Variants in UBR3 observed in about 807,000 individuals in gnomAD.
UBR3 encodes the protein ubiquitin protein ligase E3 component n-recognin 3, also known as E3 ubiquitin-protein ligase UBR3.
UBR3 carries 85 observed loss-of-function variants against 243.2 expected under a neutral mutation model. The observed-to-expected ratio is 0.35, with a 90% CI of 0.29 to 0.42. The LOEUF (loss-of-function observed/expected upper bound fraction) is 0.42, where lower values mean the gene tolerates loss of function less well. Ranked by LOEUF, UBR3 falls within the 10% of genes least tolerant of loss-of-function variation. The pLI, the probability that UBR3 is intolerant of heterozygous loss-of-function variation, is 1.00. For missense variants in UBR3, 1,686 were observed against 2,300.8 expected (o/e 0.73, Z 5.47); for synonymous variants, 748 against 799.8 (o/e 0.94, Z 1.09).
At chr2:169,890,583 A>ATATATATGTATATATATGTATATATATG (rs1553504592) in intron 5 of UBR3, among the ~76,000 whole-genome samples, 1 of 94,146 alleles carries the variant, frequency 1.1e-5, no homozygotes, top group African/African-American at 4.4e-5. Flanking sequence ...ATATATATGT[A>ATATATATGTATATATATGTATATATATG]TATATATATG....
intron 32 of UBR3, among the ~76,000 whole-genome samples, chr2:170,046,217 G>A (rs934837102): frequency 3.9e-5 from 6 of 151,966 alleles, no homozygotes; most frequent in East Asian, 1.9e-4. Flanking sequence ...CACCTGCCTC[G>A]GCCTCCTAAA....
chr2:169,894,564 A>G (rs1350397718), intron 6 of UBR3, among the ~76,000 whole-genome samples: 2 of 152,180 alleles, frequency 1.3e-5, no homozygotes, highest in Non-Finnish European at 2.9e-5. Flanking sequence ...GGACTGATTC[A>G]AGCCTTAGTA....
At chr2:170,042,747 G>A (rs892553564) in intron 32 of UBR3, among the ~76,000 whole-genome samples, 9 of 145,760 alleles carry the variant, frequency 6.2e-5, no homozygotes, top group Non-Finnish European at 1.0e-4. Context: ...GGGATGTATA[G>A]CTAGAAGTGG....
At chr2:169,965,557 G>A (rs1001857876) in intron 24 of UBR3, among the ~76,000 whole-genome samples, 2 of 152,112 alleles carry the variant, frequency 1.3e-5, no homozygotes, top group African/African-American at 4.8e-5. Context: ...CAGTATGCCA[G>A]CATCACTGCT....
intron 1 of UBR3, among the ~76,000 whole-genome samples, chr2:169,867,942 G>T (rs1318579634): frequency 1.3e-5 from 2 of 151,772 alleles, no homozygotes; most frequent in Non-Finnish European, 2.9e-5. Context: ...TTCTTTTTAA[G>T]ATTTTTAGTT....
intron 27 of UBR3, among the ~76,000 whole-genome samples, chr2:170,005,882 G>C (rs537225627): frequency 1.3e-5 from 2 of 152,090 alleles, no homozygotes; most frequent in Non-Finnish European, 2.9e-5. Flanking sequence ...GGAAGGAAAA[G>C]GATAGTATTG....
intron 24 of UBR3, among the ~76,000 whole-genome samples, chr2:169,980,539 T>C (rs1460417985): frequency 2.6e-5 from 4 of 152,138 alleles, no homozygotes; most frequent in African/African-American, 9.7e-5. Flanking sequence ...CCTTGTTTAT[T>C]TGTTCGTTCA....
chr2:169,864,134 C>T (rs905960236), intron 1 of UBR3, among the ~76,000 whole-genome samples: 13 of 152,036 alleles, frequency 8.6e-5, no homozygotes, highest in Non-Finnish European at 1.8e-4. Context: ...CAACCTTCTG[C>T]GTACAGGTTC....
chr2:169,902,345 T>C (rs929012988), intron 8 of UBR3, among the ~76,000 whole-genome samples: 2 of 152,212 alleles, frequency 1.3e-5, no homozygotes, highest in African/African-American at 4.8e-5. Context: ...ACACTTCTTA[T>C]AATGTTCTCT....
chr2:169,832,586 CTGTA>C (rs1384751248), intron 1 of UBR3, among the ~76,000 whole-genome samples: 1 of 150,438 alleles, frequency 6.6e-6, no homozygotes, highest in Admixed American at 6.6e-5. Flanking sequence ...AACAAAAAAA[CTGTA>C]TGTATAACTA....
At chr2:170,063,250 C>G (rs192729027) in intron 35 of UBR3, among the ~76,000 whole-genome samples, 1 of 151,890 alleles carries the variant, frequency 6.6e-6, no homozygotes, top group Non-Finnish European at 1.5e-5. Context: ...TTCTTGAGAC[C>G]GAGAGACATG....
At chr2:170,052,923 G>C (rs1411235061) in intron 32 of UBR3, among the ~76,000 whole-genome samples, 1 of 152,182 alleles carries the variant, frequency 6.6e-6, no homozygotes, top group Non-Finnish European at 1.5e-5. Context: ...TCATTTCACA[G>C]TGTATGCTTA....
chr2:170,078,179 G>T, intron 36 of UBR3: 1 of 546,418 alleles, frequency 1.8e-6, no homozygotes, highest in South Asian at 1.6e-5. Flanking sequence ...CATTTTCTTT[G>T]ACTTCTTTGA....
At chr2:169,994,618 T>C (rs1456919728) in intron 26 of UBR3, among the ~76,000 whole-genome samples, 162 bp downstream of exon 26, 1 of 152,242 alleles carries the variant, frequency 6.6e-6, no homozygotes, top group Non-Finnish European at 1.5e-5. Flanking sequence ...AATCTGTTAA[T>C]AAACATTTCA....
intron 10 of UBR3, among the ~76,000 whole-genome samples, chr2:169,913,365 T>G (rs371386735): frequency 6.6e-6 from 1 of 151,348 alleles, no homozygotes; most frequent in African/African-American, 2.4e-5. Context: ...TTTTTGTTTT[T>G]TTTTTTGTTT....
intron 26 of UBR3, among the ~76,000 whole-genome samples, chr2:169,996,090 A>G (rs1338532688): frequency 6.6e-6 from 1 of 152,246 alleles, no homozygotes; most frequent in Non-Finnish European, 1.5e-5. Flanking sequence ...AATTAGTAAG[A>G]TAAGTGGAAG....
chr2:169,934,849 A>T (rs1467139914), intron 19 of UBR3, among the ~76,000 whole-genome samples: 1 of 152,178 alleles, frequency 6.6e-6, no homozygotes, highest in Non-Finnish European at 1.5e-5. Flanking sequence ...AGATGCTTAG[A>T]ATTTTAGGCT....
At position 170,068,747 on chromosome 2, in the gene UBR3, A is replaced by C. The variant is rs575989225; in HGVS notation, c.5020-4681A>C. Among the ~76,000 whole-genome samples the C allele has an allele frequency of 1.2e-4, 19 of 152,216 alleles. No individual in the cohort carries two copies. In the East Asian group the frequency reaches 3.1e-3, roughly 25 times the overall value. On this transcript the variant is annotated intron_variant, in intron 35 of 38. Transcript: ENST00000272793. ...TGGAAGAGAGCTGATTGATAAGAAA[A>C]AAAAAGGAGAGGTGGTACAAATGAC... is the stretch of plus-strand genomic sequence containing the variant.
In UBR3 at chr2:169,827,488, C is replaced by T; in HGVS notation, c.-20C>T. ...GGAGGAGCCGCTGGCCCTGGACTCT[C>T]CAAATTCTGAGCTCTCATCATGGCG... On this transcript the variant is annotated 5_prime_UTR_variant, in exon 1 of 39. Coordinates refer to ENST00000272793, the MANE Select transcript of UBR3 (RefSeq NM_172070.4). 3 of 1,226,668 alleles carry T rather than the reference C, an allele frequency of 2.4e-6. No homozygotes were observed. The highest frequency in any genetic ancestry group is 3.0e-6 in the Non-Finnish European group (3 of 985,246). The allele number at this position is 1,226,668 out of a possible 1,614,324, so 76.0% of individuals were successfully genotyped here.
Sources: gnomAD v4.1 joint callset for allele counts (sites outside exome capture counted in the v4.1 genomes callset) on GRCh38, gnomAD v4.1.1 for gene constraint, MANE v1.5 for transcripts, NCBI Gene and HGNC (gene_info 2026-07-23, HGNC 2026-07-21) for gene names.